The following TANC2 variants were observed in gnomAD, a reference collection of about 807,000 sequenced individuals.
The protein encoded by TANC2 is tetratricopeptide repeat, ankyrin repeat and coiled-coil containing 2.
Under a neutral mutation model 210.5 loss-of-function variants are expected in TANC2, and 26 were observed. The observed-to-expected ratio is 0.12, with a 90% confidence interval of 0.09 to 0.17. TANC2 has a LOEUF of 0.17. Ranked by LOEUF, TANC2 falls within the 10% of genes least tolerant of loss-of-function variation. The pLI, the probability that TANC2 is intolerant of heterozygous loss-of-function variation, is 1.00. For missense variants in TANC2, 2,129 were observed against 2,608.9 expected (o/e 0.82, Z 4.01); for synonymous variants, 931 against 967.1 (o/e 0.96, Z 0.69).
chr17:63,386,964 C>T (rs1311994623), intron 15 of TANC2, among the ~76,000 whole-genome samples: 1 of 151,980 alleles, frequency 6.6e-6, no homozygotes, highest in Non-Finnish European at 1.5e-5. Flanking sequence ...GCGATCCTCC[C>T]ACCTCAGCCT....
At chr17:63,225,559 A>T (rs1283044664) in intron 7 of TANC2, among the ~76,000 whole-genome samples, 1 of 152,134 alleles carries the variant, frequency 6.6e-6, no homozygotes, top group African/African-American at 2.4e-5. Flanking sequence ...CATATTCCTG[A>T]GCTAAATTTA....
intron 1 of TANC2, among the ~76,000 whole-genome samples, chr17:62,995,010 A>G (rs1245154822): frequency 6.6e-6 from 1 of 152,234 alleles, no homozygotes; most frequent in Non-Finnish European, 1.5e-5. Context: ...AGATGATGCA[A>G]TACTTTGGGC....
rs2048995204 is a variant in TANC2 at position 63,420,581 on chromosome 17, T to G, written c.4851T>G (p.Pro1617=). The G allele has an allele frequency of 1.2e-6, 2 of 1,613,870 alleles. No individual in the cohort carries two copies. Among genetic ancestry groups the G allele is most frequent in the East Asian group, 4.5e-5 (2 of 44,866 alleles). ...GCAAAGAATACCCAAGCCCTCCCCC[T>G]TCCCCTCTCCGGAGAGGCCCTCAGT... is the stretch of plus-strand genomic sequence containing the variant. The change falls in exon 28 of 28, where the codon CCT becomes CCG. Residue 1617 remains proline, a synonymous_variant. Transcript: ENST00000689528. This position sits in a 1 kb window ranked among gnomAD's most constrained non-coding sequence, Gnocchi z 4.2.
chr17:63,405,273 T>G lies in TANC2; in HGVS notation c.3465+18T>G. 2 of 1,544,160 alleles carry G rather than the reference T, an allele frequency of 1.3e-6. No individual in the cohort carries two copies. Among genetic ancestry groups the G allele is most frequent in the Non-Finnish European group, 1.8e-6 (2 of 1,136,026 alleles). ...ACTGGCAGGTAAGCAGGGCGACCACTTCCAGTCCCTCAGGCAGGACTGAGT... is the reference window on the plus strand; with the variant it reads ...ACTGGCAGGTAAGCAGGGCGACCACGTCCAGTCCCTCAGGCAGGACTGAGT... On this transcript the variant is annotated intron_variant, in intron 20 of 27. Transcript: ENST00000689528.
intron 4 of TANC2, among the ~76,000 whole-genome samples, chr17:63,106,296 A>T (rs938731373): frequency 6.6e-6 from 1 of 151,706 alleles, no homozygotes; most frequent in Non-Finnish European, 1.5e-5. Flanking sequence ...AAGTGGTAAA[A>T]ACAGATTTTA....
chr17:63,134,882 A>G (rs2039036705), intron 4 of TANC2, among the ~76,000 whole-genome samples: 1 of 152,192 alleles, frequency 6.6e-6, no homozygotes. Context: ...AGATGCTGGA[A>G]AAGATTTTTT....
intron 9 of TANC2, among the ~76,000 whole-genome samples, chr17:63,297,280 A>G (rs2146460736): frequency 1.3e-5 from 2 of 152,270 alleles, no homozygotes; most frequent in South Asian, 4.1e-4. Context: ...AAAAAGAACA[A>G]AGTTGGAAGT....
chr17:62,985,436 A>G lies in TANC2; in HGVS notation c.-24+18687A>G, dbSNP rs183555015. 4.6e-3 allele frequency among the ~76,000 whole-genome samples: 701 copies of G among 152,200 alleles called. 3 individuals are homozygous for G. Among genetic ancestry groups the G allele is most frequent in the Middle Eastern group, 0.01 (3 of 294 alleles). On this transcript the variant is annotated intron_variant, in intron 1 of 27. Coordinates refer to ENST00000689528, the Ensembl canonical transcript of TANC2. ...CTCTCCTAAGATTTGGGACATTTTC[A>G]GCTACTATTTCATGAAATATATTTT...
At chr17:63,277,730 G>A (rs1342875985) in intron 9 of TANC2, among the ~76,000 whole-genome samples, 2 of 151,292 alleles carry the variant, frequency 1.3e-5, no homozygotes, top group Non-Finnish European at 2.9e-5. Context: ...AGAACTAAAG[G>A]AACAGAGATA....
chr17:63,209,729 G>A (rs1292105713), intron 7 of TANC2, among the ~76,000 whole-genome samples: 4 of 152,122 alleles, frequency 2.6e-5, no homozygotes, highest in Admixed American at 6.6e-5. Context: ...CACTGCTCTC[G>A]GGCTAAAGGA....
chr17:63,023,260 G>A (rs1407611556), intron 2 of TANC2, among the ~76,000 whole-genome samples: 1 of 152,212 alleles, frequency 6.6e-6, no homozygotes. Context: ...ATGGGAGCTG[G>A]GTTGCCTGAG....
intron 12 of TANC2, among the ~76,000 whole-genome samples, chr17:63,343,473 A>G (rs1437472179): frequency 6.6e-6 from 1 of 152,226 alleles, no homozygotes; most frequent in Non-Finnish European, 1.5e-5. Flanking sequence ...TATAGTCCCA[A>G]CTGCTCTGGA....
chr17:63,034,733 CTG>C (rs2034905233), intron 2 of TANC2, among the ~76,000 whole-genome samples: 1 of 152,118 alleles, frequency 6.6e-6, no homozygotes, highest in African/African-American at 2.4e-5. Flanking sequence ...GAGGAAGTAA[CTG>C]TCGATGTGTG....
intron 17 of TANC2, chr17:63,389,812 A>G (rs915986986): frequency 1.8e-5 from 8 of 446,760 alleles, no homozygotes; most frequent in African/African-American, 1.4e-4. Context: ...CAACCCAGAA[A>G]TGATCTATTG....
intron 5 of TANC2, among the ~76,000 whole-genome samples, chr17:63,156,760 C>T (rs951269820): frequency 2.0e-5 from 3 of 151,626 alleles, no homozygotes; most frequent in African/African-American, 4.9e-5. Flanking sequence ...CCCTATGTTG[C>T]CTAGGCATAC....
chr17:63,053,590 G>A (rs1417243718), intron 2 of TANC2, among the ~76,000 whole-genome samples: 2 of 151,954 alleles, frequency 1.3e-5, no homozygotes, highest in Non-Finnish European at 2.9e-5. Flanking sequence ...CTTTCCTTGG[G>A]GATCTCATGC....
chr17:63,203,637 G>C lies in TANC2; in HGVS notation c.769+2680G>C, dbSNP rs553395374. Reference sequence around the variant, plus strand: ...ACTGCCTATTGTATACTTGTTAAGGGAGTCATTCAAATGGAAATAGGTGAA... The same window carrying C: ...ACTGCCTATTGTATACTTGTTAAGGCAGTCATTCAAATGGAAATAGGTGAA... On this transcript the variant is annotated intron_variant, in intron 7 of 27. Transcript: ENST00000689528. 3.3e-5 allele frequency among the ~76,000 whole-genome samples: 5 copies of C among 152,252 alleles called. 1 individual carries two copies. In the South Asian group the frequency reaches 1.0e-3, roughly 32 times the overall value.
At chr17:62,997,719 A>T (rs979677784) in intron 1 of TANC2, among the ~76,000 whole-genome samples, 7 of 152,180 alleles carry the variant, frequency 4.6e-5, no homozygotes, top group Non-Finnish European at 1.0e-4. Flanking sequence ...TATTTTCTTC[A>T]ATCTTTAAAC....
chr17:63,124,833 A>T (rs761151415), intron 4 of TANC2, among the ~76,000 whole-genome samples: 40 of 152,120 alleles, frequency 2.6e-4, no homozygotes, highest in Non-Finnish European at 5.7e-4. Context: ...TGAAATGCAC[A>T]TCTGAGGGAT....
Sources: gnomAD v4.1 joint callset for allele counts (sites outside exome capture counted in the v4.1 genomes callset) on GRCh38, gnomAD v4.1.1 for gene constraint, Gnocchi (gnomAD v3.1) non-coding constraint, MANE v1.5 for transcripts, NCBI Gene and HGNC (gene_info 2026-07-23, HGNC 2026-07-21) for gene names.